The following DOCK10 variants were observed in gnomAD, a reference collection of about 807,000 sequenced individuals.
The protein encoded by DOCK10 is dedicator of cytokinesis protein 10.
DOCK10 carries 145 observed loss-of-function variants against 280.1 expected under a neutral mutation model. The ratio of observed to expected loss-of-function variants is 0.52; its 90% CI spans 0.45 to 0.59. DOCK10 has a LOEUF of 0.59. Among genes scored for constraint, DOCK10 ranks in the 20% least tolerant of loss-of-function variants. The pLI, the probability that DOCK10 is intolerant of heterozygous loss-of-function variation, is 0.00. For missense variants in DOCK10, 2,368 were observed against 2,651.7 expected, an observed-to-expected ratio of 0.89 and a Z score of 2.35; for synonymous variants, 915 against 942.2, an observed-to-expected ratio of 0.97 and a Z score of 0.53.
chr2:224,945,912 C>T (rs564716502), intron 1 of DOCK10, among the ~76,000 whole-genome samples: 53 of 152,234 alleles, frequency 3.5e-4, no homozygotes, highest in African/African-American at 1.1e-3. Context: ...CCATCCTACA[C>T]GGTACAGGAT....
chr2:224,832,397 C>T (rs1421655155), intron 26 of DOCK10, among the ~76,000 whole-genome samples: 2 of 152,196 alleles, frequency 1.3e-5, no homozygotes, highest in African/African-American at 2.4e-5. Flanking sequence ...ATGTACTTAT[C>T]TGCTCTACTG....
chr2:224,883,302 C>T (rs753047187), intron 7 of DOCK10, among the ~76,000 whole-genome samples: 1 of 152,182 alleles, frequency 6.6e-6, no homozygotes, highest in Non-Finnish European at 1.5e-5. Flanking sequence ...TTGACTTCCC[C>T]ACACCTGGGT....
intron 1 of DOCK10, among the ~76,000 whole-genome samples, chr2:225,017,705 C>CAAA (rs61170287): frequency 0.44 from 55,299 of 125,352 alleles, 12,579 homozygotes; most frequent in Middle Eastern, 0.58. Flanking sequence ...CCTACTGTTC[C>CAAA]AAAAAAAAAA....
chr2:225,019,173 C>A (rs1286896424), intron 1 of DOCK10, among the ~76,000 whole-genome samples: 7 of 152,122 alleles, frequency 4.6e-5, no homozygotes, highest in Non-Finnish European at 1.0e-4. Flanking sequence ...GACCAATCAT[C>A]TAGCATTTGG....
At chr2:225,027,647 C>T (rs917173079) in intron 1 of DOCK10, among the ~76,000 whole-genome samples, 8 of 152,120 alleles carry the variant, frequency 5.3e-5, no homozygotes, top group Admixed American at 2.0e-4. Context: ...CCATGTAAGA[C>T]GCCCCACTTC....
At chr2:225,033,239 G>A (rs1270541575) in intron 1 of DOCK10, among the ~76,000 whole-genome samples, 1 of 151,812 alleles carries the variant, frequency 6.6e-6, no homozygotes, top group Non-Finnish European at 1.5e-5. Context: ...CTGGAGTGCA[G>A]TGGCATGATC....
intron 53 of DOCK10, among the ~76,000 whole-genome samples, chr2:224,771,688 T>C (rs1471597879): frequency 6.6e-6 from 1 of 152,212 alleles, no homozygotes; most frequent in African/African-American, 2.4e-5. Flanking sequence ...GCATGGCCAG[T>C]GTGGCAGATG....
At chr2:224,879,927 A>C in intron 7 of DOCK10, among the ~76,000 whole-genome samples, 1 of 152,264 alleles carries the variant, frequency 6.6e-6, no homozygotes, top group African/African-American at 2.4e-5. Context: ...AAAGAATTTG[A>C]GTGATGAATT....
chr2:224,859,793 A>G (rs779684575), intron 14 of DOCK10, among the ~76,000 whole-genome samples: 1 of 152,216 alleles, frequency 6.6e-6, no homozygotes, highest in Non-Finnish European at 1.5e-5. Flanking sequence ...GGTATCAATT[A>G]GGTATTGAAG....
Position 225,027,791 on chromosome 2 carries a change from A to G in DOCK10, c.123+14461T>C, listed in dbSNP as rs540169814. Among the ~76,000 whole-genome samples the G allele has an allele frequency of 7.8e-4, 119 of 152,298 alleles. 2 individuals carry two copies. The highest frequency in any genetic ancestry group is 1.2e-3 in the Admixed American group (19 of 15,290). On this transcript the variant is annotated intron_variant, in intron 1 of 55. Transcript: ENST00000258390. ...TTTTCTTTACAAAGTACCCAGTCTC[A>G]GGTATTTCTTTATAGCAGTGGGAGA...
chr2:224,813,584 G>A (rs1693928805), intron 31 of DOCK10, among the ~76,000 whole-genome samples: 2 of 152,230 alleles, frequency 1.3e-5, no homozygotes, highest in African/African-American at 4.8e-5. Context: ...ACTAGGCTAA[G>A]CACTTTATGT....
intron 1 of DOCK10, among the ~76,000 whole-genome samples, chr2:224,958,567 A>G (rs1276132397): frequency 1.3e-5 from 2 of 152,278 alleles, no homozygotes; most frequent in Admixed American, 6.5e-5. Flanking sequence ...TCTGTGCACA[A>G]CTACAAAAGG....
At chr2:224,924,306 A>C (rs551582575) in intron 2 of DOCK10, among the ~76,000 whole-genome samples, 13 of 152,346 alleles carry the variant, frequency 8.5e-5, no homozygotes, top group African/African-American at 2.9e-4. Context: ...TAATTACAGA[A>C]CATTTTCATC....
intron 11 of DOCK10, among the ~76,000 whole-genome samples, chr2:224,873,512 C>A (rs922303330): frequency 6.9e-6 from 1 of 145,736 alleles, no homozygotes; most frequent in East Asian, 2.1e-4. Context: ...GCCCTGGAAG[C>A]TGCGGCTGCA....
At chr2:224,801,040 G>A (rs748959318) in intron 40 of DOCK10, among the ~76,000 whole-genome samples, 1 of 152,102 alleles carries the variant, frequency 6.6e-6, no homozygotes, top group Non-Finnish European at 1.5e-5. Flanking sequence ...GAAAGGAAAT[G>A]TCTGGGTTAA....
intron 30 of DOCK10, among the ~76,000 whole-genome samples, chr2:224,815,109 A>G (rs1424894684): frequency 6.6e-6 from 1 of 152,174 alleles, no homozygotes; most frequent in African/African-American, 2.4e-5. Context: ...TCATGGGGAC[A>G]GTTTCCCCCG....
At chr2:224,982,940 G>A (rs1705820882) in intron 1 of DOCK10, among the ~76,000 whole-genome samples, 1 of 152,146 alleles carries the variant, frequency 6.6e-6, no homozygotes, top group Non-Finnish European at 1.5e-5. Flanking sequence ...ACTAGATCAA[G>A]ATGATTTAAC....
chr2:224,903,104 C>T (rs2055711), intron 3 of DOCK10, among the ~76,000 whole-genome samples: 11 of 151,996 alleles, frequency 7.2e-5, no homozygotes, highest in African/African-American at 2.4e-4. Flanking sequence ...TCTCAAAAAA[C>T]CAAAACAAAA....
At chr2:224,774,794 G>T (rs2124987417) in intron 52 of DOCK10, 111 bp downstream of exon 52, 1 of 943,736 alleles carries the variant, frequency 1.1e-6, no homozygotes, top group Non-Finnish European at 1.6e-6. Context: ...AGCACATGTT[G>T]GGTACTTCTC....
Sources: gnomAD v4.1 joint callset for allele counts (sites outside exome capture counted in the v4.1 genomes callset) on GRCh38, gnomAD v4.1.1 for gene constraint, MANE v1.5 for transcripts, NCBI Gene and HGNC (gene_info 2026-07-23, HGNC 2026-07-21) for gene names.